Variants in KCNIP4 observed in about 807,000 individuals in gnomAD.
KCNIP4 encodes the protein potassium voltage-gated channel interacting protein 4.
In KCNIP4, 12 loss-of-function variants were observed where a neutral mutation model predicts 34.0. The ratio of observed to expected loss-of-function variants is 0.35; its 90% confidence interval spans 0.23 to 0.57. KCNIP4 has a LOEUF of 0.57. Among genes scored for constraint, KCNIP4 ranks in the 20% least tolerant of loss-of-function variants. The probability of loss-of-function intolerance (pLI) is 0.83; values close to 1 mark genes in which losing one functional copy is unlikely to be tolerated. For synonymous variants in KCNIP4, 124 were observed against 102.2 expected, an observed-to-expected ratio of 1.21 and a Z score of -1.29; for missense variants, 238 against 311.7, an observed-to-expected ratio of 0.76 and a Z score of 1.78.
At chr4:21,002,283 T>G (rs1307102948) in intron 1 of KCNIP4, among the ~76,000 whole-genome samples, 1 of 152,202 alleles carries the variant, frequency 6.6e-6, no homozygotes, top group Non-Finnish European at 1.5e-5. Context: ...CAATGTGCAT[T>G]CTGAAAGCTT....
intron 1 of KCNIP4, among the ~76,000 whole-genome samples, chr4:21,483,651 G>A (rs1219879214): frequency 1.3e-5 from 2 of 152,020 alleles, no homozygotes; most frequent in Non-Finnish European, 2.9e-5. Flanking sequence ...TTAGCCAGGT[G>A]TGGTGGCACG....
At position 21,436,234 on chromosome 4, in the gene KCNIP4, T is replaced by A. The variant is rs553346942; in HGVS notation, c.61+512337A>T. ...GTCTTACTGACTGCTGAGACTGATA[T>A]ATACCTAGTCAGAGCCTGGGAAACA... On this transcript the variant is annotated intron_variant, in intron 1 of 8. Transcript: ENST00000382152. Among the ~76,000 whole-genome samples, 11 of 152,298 alleles carry A rather than the reference T, an allele frequency of 7.2e-5. No individual in the cohort carries two copies. In the East Asian group the frequency reaches 2.1e-3, roughly 29 times the overall value.
chr4:20,762,086 A>G (rs1393615173), intron 3 of KCNIP4, among the ~76,000 whole-genome samples: 1 of 152,128 alleles, frequency 6.6e-6, no homozygotes, highest in Non-Finnish European at 1.5e-5. Flanking sequence ...AAACAATAGA[A>G]ATTTATTTCT....
chr4:21,911,612 A>T (rs1203268000), intron 1 of KCNIP4, among the ~76,000 whole-genome samples: 2 of 20,930 alleles, frequency 9.6e-5, no homozygotes, highest in Non-Finnish European at 2.7e-4. Flanking sequence ...ATTCACACAC[A>T]CACACACACA....
At chr4:20,880,388 G>A (rs1004198951) in intron 2 of KCNIP4, among the ~76,000 whole-genome samples, 2 of 152,082 alleles carry the variant, frequency 1.3e-5, no homozygotes, top group Non-Finnish European at 2.9e-5. Context: ...CACAAATCAC[G>A]AGCTAAGTCT....
chr4:20,960,863 G>A (rs934399036), intron 1 of KCNIP4, among the ~76,000 whole-genome samples: 1 of 152,164 alleles, frequency 6.6e-6, no homozygotes, highest in East Asian at 1.9e-4. Context: ...AGGGGCAAGA[G>A]GTGTGCAGTT....
intron 1 of KCNIP4, among the ~76,000 whole-genome samples, chr4:21,619,887 C>T (rs1300041580): frequency 1.3e-5 from 2 of 152,186 alleles, no homozygotes; most frequent in African/African-American, 4.8e-5. Flanking sequence ...CAGAAGATGA[C>T]ACTTCAAATT....
chr4:21,330,640 A>G (rs1715534773), intron 1 of KCNIP4, among the ~76,000 whole-genome samples: 1 of 152,186 alleles, frequency 6.6e-6, no homozygotes, highest in Non-Finnish European at 1.5e-5. Flanking sequence ...GAAACCCTAT[A>G]GAGCATTCCG....
At chr4:21,753,037 C>T (rs186534324) in intron 1 of KCNIP4, among the ~76,000 whole-genome samples, 41 of 152,106 alleles carry the variant, frequency 2.7e-4, no homozygotes, top group East Asian at 2.3e-3. Flanking sequence ...TCTGGGGGCA[C>T]TTGGAAGCTC....
At chr4:20,999,533 C>T (rs377341964) in intron 1 of KCNIP4, among the ~76,000 whole-genome samples, 168 of 148,000 alleles carry the variant, frequency 1.1e-3, no homozygotes, top group African/African-American at 4.0e-3. Flanking sequence ...TCAGAACGAT[C>T]ACCGTGGTTG....
intron 2 of KCNIP4, among the ~76,000 whole-genome samples, chr4:20,868,874 C>A (rs1035673689): frequency 5.9e-5 from 9 of 152,052 alleles, no homozygotes; most frequent in Non-Finnish European, 1.3e-4. Context: ...GGGTACTATG[C>A]TCACTGCCAA....
At position 21,543,505 on chromosome 4, in the gene KCNIP4, GATGT is replaced by G. The variant is rs1463609772; in HGVS notation, c.61+405062_61+405065del. On this transcript the variant is annotated intron_variant, in intron 1 of 8. Transcript: ENST00000382152. ...TTGCTCTACAATAGAGGTATTAGAT[GATGT>G]AAGTAAACTTCAAAGCCAATTCAAA... Among the ~76,000 whole-genome samples the G allele has an allele frequency of 1.2e-4, 18 of 152,070 alleles. No homozygotes were observed. The East Asian group carries it at 3.5e-3, about 29-fold the overall frequency.
chr4:20,808,136 A>G (rs1350307262), intron 3 of KCNIP4, among the ~76,000 whole-genome samples: 2 of 152,174 alleles, frequency 1.3e-5, no homozygotes, highest in Non-Finnish European at 2.9e-5. Flanking sequence ...AAACTGTTGA[A>G]TATATGAGTA....
At chr4:20,743,453 G>A (rs1344526969) in intron 5 of KCNIP4, among the ~76,000 whole-genome samples, 2 of 151,814 alleles carry the variant, frequency 1.3e-5, no homozygotes, top group Admixed American at 6.6e-5. Context: ...CAGAGCCCTC[G>A]GAAATAATAC....
At chr4:20,771,635 C>T (rs917036692) in intron 3 of KCNIP4, among the ~76,000 whole-genome samples, 7 of 151,724 alleles carry the variant, frequency 4.6e-5, no homozygotes, top group Non-Finnish European at 7.4e-5. Flanking sequence ...TCCAAAGACA[C>T]TTTGAGAAAG....
intron 1 of KCNIP4, among the ~76,000 whole-genome samples, chr4:21,673,668 T>C (rs924391337): frequency 5.3e-5 from 8 of 152,170 alleles, no homozygotes; most frequent in African/African-American, 1.9e-4. Flanking sequence ...TCTGTAAAGA[T>C]GCAATTATAA....
chr4:21,202,534 C>T (rs528958677), intron 1 of KCNIP4, among the ~76,000 whole-genome samples: 17 of 152,244 alleles, frequency 1.1e-4, no homozygotes, highest in Middle Eastern at 3.4e-3. Context: ...CATCACCATG[C>T]AATATACCTT....
chr4:21,239,396 G>A (rs1413745206), intron 1 of KCNIP4, among the ~76,000 whole-genome samples: 7 of 151,310 alleles, frequency 4.6e-5, no homozygotes, highest in African/African-American at 1.7e-4. Context: ...AAACTAAAGA[G>A]CTTCTGCACA....
At chr4:21,061,454 T>G (rs1448935194) in intron 1 of KCNIP4, among the ~76,000 whole-genome samples, 1 of 152,082 alleles carries the variant, frequency 6.6e-6, no homozygotes, top group Non-Finnish European at 1.5e-5. Flanking sequence ...TAAGCAAAAG[T>G]GCTTAGTTCT....
Sources: gnomAD v4.1 joint callset for allele counts (sites outside exome capture counted in the v4.1 genomes callset) on GRCh38, gnomAD v4.1.1 for gene constraint, MANE v1.5 for transcripts, NCBI Gene and HGNC (gene_info 2026-07-23, HGNC 2026-07-21) for gene names.